ZMYND8: variants seen among roughly 807,000 people sequenced by gnomAD.
ZMYND8 encodes the protein zinc finger MYND-type containing 8, also known as MYND-type zinc finger-containing chromatin reader ZMYND8.
Under a neutral mutation model 140.8 loss-of-function variants are expected in ZMYND8, and 37 were observed. That is an observed-to-expected ratio of 0.26 (90% confidence interval 0.20 to 0.35). The LOEUF (loss-of-function observed/expected upper bound fraction) is 0.35, where lower values mean the gene tolerates loss of function less well. Among genes scored for constraint, ZMYND8 ranks in the 10% least tolerant of loss-of-function variants. The probability of loss-of-function intolerance (pLI) is 1.00; values close to 1 mark genes in which losing one functional copy is unlikely to be tolerated. For synonymous variants in ZMYND8, 592 were observed against 597.1 expected (o/e 0.99, Z 0.12); for missense variants, 1,068 against 1,570.0 (o/e 0.68, Z 5.40).
At chr20:47,302,039 G>A (rs11904954) in intron 3 of ZMYND8, among the ~76,000 whole-genome samples, 14 of 152,124 alleles carry the variant, frequency 9.2e-5, no homozygotes, top group African/African-American at 2.9e-4. Context: ...CACCTTGATT[G>A]TAAGTTTCCT....
intron 13 of ZMYND8, among the ~76,000 whole-genome samples, chr20:47,248,630 C>T (rs1311315888): frequency 1.3e-5 from 2 of 152,228 alleles, no homozygotes; most frequent in South Asian, 2.1e-4. Flanking sequence ...CCTCATAAAA[C>T]GGCCTCCCTG....
At chr20:47,302,899 A>C (rs1302581411) in intron 3 of ZMYND8, among the ~76,000 whole-genome samples, 2 of 152,220 alleles carry the variant, frequency 1.3e-5, no homozygotes, top group East Asian at 3.8e-4. Flanking sequence ...ACAGGCTCTC[A>C]ATCTTGGTAC....
chr20:47,349,952 A>T, intron 1 of ZMYND8: 1 of 1,534,232 alleles, frequency 6.5e-7, no homozygotes, highest in Non-Finnish European at 8.7e-7. Context: ...GGCTTGTAAC[A>T]GCCTAGAGGA....
At chr20:47,257,080 T>A (rs1401630356) in intron 12 of ZMYND8, among the ~76,000 whole-genome samples, 1 of 152,156 alleles carries the variant, frequency 6.6e-6, no homozygotes, top group Non-Finnish European at 1.5e-5. Context: ...TATGACTTAT[T>A]TATAATCACT....
chr20:47,253,051 A>G (rs2074315043), intron 12 of ZMYND8, among the ~76,000 whole-genome samples: 1 of 152,268 alleles, frequency 6.6e-6, no homozygotes, highest in Non-Finnish European at 1.5e-5. Flanking sequence ...TTATTTGCAA[A>G]CACAGGTGGG....
chr20:47,244,191 G>A (rs1253418582), intron 14 of ZMYND8, among the ~76,000 whole-genome samples: 2 of 152,186 alleles, frequency 1.3e-5, no homozygotes, highest in Non-Finnish European at 2.9e-5. Flanking sequence ...AAAGGACATG[G>A]AGTTACATCT....
chr20:47,249,814 C>G (rs1204452475), intron 12 of ZMYND8, among the ~76,000 whole-genome samples: 1 of 152,182 alleles, frequency 6.6e-6, no homozygotes, highest in Admixed American at 6.5e-5. Flanking sequence ...AACACTGAGC[C>G]TGGTCAAGGT....
At position 47,282,140 on chromosome 20, in the gene ZMYND8, G is replaced by A. The variant is rs188899473; in HGVS notation, c.960C>T (p.Asp320=). 69 of 1,613,980 alleles carry A rather than the reference G, an allele frequency of 4.3e-5. No individual in the cohort carries two copies. The South Asian group carries it at 5.4e-4, about 13-fold the overall frequency. Residue 320 remains aspartate (D), a synonymous_variant, in exon 10 of 23, where the codon GAC becomes GAT. Transcript: ENST00000471951. ...FWPAKALRDK[D]GQVDARFFGQ... is the part of the protein sequence containing the mutation. ...CAAAGAATCGGGCATCGACCTGCCC[G>A]TCTTTATCCCTTAGAGCTTTTGCAG...
intron 10 of ZMYND8, 89 bp downstream of exon 10, chr20:47,282,013 T>C (rs1039520160): frequency 2.8e-6 from 3 of 1,054,876 alleles, no homozygotes; most frequent in African/African-American, 1.6e-5. Context: ...ATGAGAATAA[T>C]AGCTGCAGCC....
chr20:47,349,837 A>G (rs1168117326), intron 1 of ZMYND8: 4 of 1,520,746 alleles, frequency 2.6e-6, no homozygotes, highest in African/African-American at 1.7e-5. Context: ...ACAATTATGC[A>G]GAACTGAGCC....
chr20:47,351,459 T>A (rs1222840070), intron 1 of ZMYND8, among the ~76,000 whole-genome samples: 1 of 152,214 alleles, frequency 6.6e-6, no homozygotes, highest in African/African-American at 2.4e-5. Context: ...ATGAGGATCA[T>A]CGCACAGCAA....
chr20:47,221,349 CCTT>C lies in ZMYND8; in HGVS notation c.3379_3381del (p.Lys1127del), dbSNP rs775020780. Reference sequence around the variant, plus strand: ...TCCTTGCTTTTCTCAGCTGACGTCTCCTTCTCTTTGGAGGCGCTGGCCGTTTCT... The same window carrying C: ...TCCTTGCTTTTCTCAGCTGACGTCTCCTCTTTGGAGGCGCTGGCCGTTTCT... On this transcript the variant is annotated inframe_deletion, in exon 20 of 23. Coordinates refer to ENST00000471951, the MANE Select transcript of ZMYND8 (RefSeq NM_001281775.3). 6 of 1,614,192 alleles carry C rather than the reference CCTT, an allele frequency of 3.7e-6. No homozygotes were observed. The highest frequency in any genetic ancestry group is 4.5e-5 in the East Asian group (2 of 44,888).
At chr20:47,221,594 A>G (rs993379621) in intron 19 of ZMYND8, 120 bp from the exon 20 acceptor site, 2 of 1,268,556 alleles carry the variant, frequency 1.6e-6, no homozygotes, top group Non-Finnish European at 2.1e-6. Flanking sequence ...CCAGGGCATA[A>G]AAGTGGAGGC....
intron 13 of ZMYND8, among the ~76,000 whole-genome samples, chr20:47,247,683 G>A (rs946541980): frequency 1.3e-5 from 2 of 152,214 alleles, no homozygotes; most frequent in Non-Finnish European, 1.5e-5. Flanking sequence ...AATGGCCACT[G>A]TGAATGGTGC....
At position 47,356,694 on chromosome 20, in the gene ZMYND8, A is replaced by C; in HGVS notation, c.-24T>G. 1 of 1,614,206 alleles carries C rather than the reference A, an allele frequency of 6.2e-7. No individual in the cohort carries two copies. Among genetic ancestry groups the C allele is most frequent in the Non-Finnish European group, 8.5e-7 (1 of 1,180,028 alleles). The stretch of plus-strand genomic sequence containing the variant: ...ATTGTTAACACTGTGTAATGTCAAT[A>C]CTTATAAAACATGGAGGACAGGCTC... On this transcript the variant is annotated 5_prime_UTR_variant, in exon 1 of 23. Coordinates refer to ENST00000471951, the MANE Select transcript of ZMYND8 (RefSeq NM_001281775.3).
rs774261068 is a variant in ZMYND8, at chr20:47,276,471, G to A, written c.1323C>T (p.Gly441=). The stretch of plus-strand genomic sequence containing the variant: ...GCATATCCGACAAGGAAATCCGGCG[G>A]CCTGTGCCCCCACTCAGCACAGGCT... The part of the protein sequence containing the change: ...MSKPVLSGGT[G]RRISLSDMPR... Residue 441 remains glycine (G), a synonymous_variant, in exon 11 of 23, where the codon GGC becomes GGT. Coordinates refer to ENST00000471951, the MANE Select transcript of ZMYND8 (RefSeq NM_001281775.3). 1 of 1,613,990 alleles carries A rather than the reference G, an allele frequency of 6.2e-7. No homozygotes were observed. Among genetic ancestry groups the A allele is most frequent in the African/African-American group, 1.3e-5 (1 of 74,912 alleles).
At chr20:47,341,394 G>A (rs1285852332) in intron 2 of ZMYND8, among the ~76,000 whole-genome samples, 1 of 151,840 alleles carries the variant, frequency 6.6e-6, no homozygotes, top group African/African-American at 2.4e-5. Flanking sequence ...AGGCATGGTG[G>A]TGCATACCTA....
At chr20:47,221,184 G>T in intron 20 of ZMYND8, 130 bp downstream of exon 20, 1 of 1,294,756 alleles carries the variant, frequency 7.7e-7, no homozygotes, top group Non-Finnish European at 1.1e-6. Context: ...CACATCCACT[G>T]GAAATGCCGG....
chr20:47,336,720 G>A (rs1295712436), intron 2 of ZMYND8, among the ~76,000 whole-genome samples: 1 of 152,156 alleles, frequency 6.6e-6, no homozygotes, highest in Non-Finnish European at 1.5e-5. Context: ...TTGGGTTCAC[G>A]CATGATCTTT....
Sources: allele counts gnomAD v4.1 joint callset (sites outside exome capture counted in the v4.1 genomes callset), GRCh38; gene constraint gnomAD v4.1.1; transcripts MANE v1.5; gene names NCBI Gene and HGNC (gene_info 2026-07-23, HGNC 2026-07-21).